RGS7: variants seen among roughly 807,000 people sequenced by gnomAD.
RGS7 encodes the protein regulator of G protein signaling 7, also known as regulator of G-protein signaling 7.
In RGS7, 27 loss-of-function variants were observed where a neutral mutation model predicts 81.1. The ratio of observed to expected loss-of-function variants is 0.33; its 90% confidence interval spans 0.25 to 0.46. RGS7 has a LOEUF of 0.46. RGS7 is among the 20% of genes least tolerant of loss of function. RGS7 has a pLI of 1.00. For synonymous variants in RGS7, 208 were observed against 207.7 expected, an observed-to-expected ratio of 1.00 and a Z score of -0.01; for missense variants, 396 against 607.4, an observed-to-expected ratio of 0.65 and a Z score of 3.66.
At chr1:241,280,614 C>T (rs1373848300) in intron 2 of RGS7, among the ~76,000 whole-genome samples, 2 of 152,214 alleles carry the variant, frequency 1.3e-5, no homozygotes, top group Non-Finnish European at 2.9e-5. Flanking sequence ...CCTCCTGCCT[C>T]AGCCTCCTGA....
intron 3 of RGS7, among the ~76,000 whole-genome samples, chr1:241,090,544 C>T (rs762219305): frequency 1.3e-5 from 2 of 151,976 alleles, no homozygotes; most frequent in Non-Finnish European, 2.9e-5. Context: ...AGCCATGAGA[C>T]GGATGGCATT....
intron 3 of RGS7, among the ~76,000 whole-genome samples, chr1:240,994,778 CTT>C (rs1258959054): frequency 6.6e-6 from 1 of 151,878 alleles, no homozygotes; most frequent in Non-Finnish European, 1.5e-5. Context: ...ATAAAGTAAA[CTT>C]ATTATTATTA....
chr1:241,335,174 A>G (rs1311415720), intron 2 of RGS7, among the ~76,000 whole-genome samples: 1 of 152,202 alleles, frequency 6.6e-6, no homozygotes, highest in East Asian at 1.9e-4. Context: ...AAGTTATTCC[A>G]GCACCCTAAA....
chr1:241,296,500 G>A (rs953631184), intron 2 of RGS7, among the ~76,000 whole-genome samples: 21 of 152,214 alleles, frequency 1.4e-4, no homozygotes. Context: ...CAATGTCATT[G>A]CAATAGACAC....
At chr1:240,910,553 A>G (rs1451701190) in intron 6 of RGS7, among the ~76,000 whole-genome samples, 1 of 152,152 alleles carries the variant, frequency 6.6e-6, no homozygotes, top group Non-Finnish European at 1.5e-5. Context: ...AGTTAACAAT[A>G]ATGCATGGTT....
chr1:241,309,452 T>C (rs1480327744), intron 2 of RGS7, among the ~76,000 whole-genome samples: 1 of 150,442 alleles, frequency 6.6e-6, no homozygotes, highest in African/African-American at 2.4e-5. Context: ...AAGGTGTCTA[T>C]GAGAAACAGA....
intron 3 of RGS7, among the ~76,000 whole-genome samples, chr1:241,015,462 T>A (rs1003821023): frequency 1.3e-5 from 2 of 152,224 alleles, no homozygotes; most frequent in Admixed American, 6.5e-5. Flanking sequence ...AACTTAAACA[T>A]CTAATATATA....
chr1:241,205,165 C>T (rs937446257), intron 2 of RGS7, among the ~76,000 whole-genome samples: 3 of 150,766 alleles, frequency 2.0e-5, no homozygotes, highest in Non-Finnish European at 4.4e-5. Flanking sequence ...CAACCTCTGC[C>T]TCCTGGGTTC....
intron 3 of RGS7, among the ~76,000 whole-genome samples, chr1:241,074,066 A>G (rs1162222242): frequency 6.6e-6 from 1 of 152,026 alleles, no homozygotes; most frequent in Non-Finnish European, 1.5e-5. Context: ...AGGCCTGGCT[A>G]ATTTTTGTAT....
chr1:240,970,183 T>C (rs115377445), intron 4 of RGS7, among the ~76,000 whole-genome samples: 67 of 152,280 alleles, frequency 4.4e-4, no homozygotes, highest in African/African-American at 1.6e-3. Context: ...GGAACTGCAA[T>C]ATAGTGATAG....
At chr1:241,096,243 C>G (rs980361247) in intron 3 of RGS7, among the ~76,000 whole-genome samples, 1 of 151,884 alleles carries the variant, frequency 6.6e-6, no homozygotes, top group Non-Finnish European at 1.5e-5. Context: ...CAGTCCGTTG[C>G]GAGTTGGGCC....
chr1:240,808,171 T>C (rs551491935), intron 14 of RGS7, among the ~76,000 whole-genome samples: 2 of 151,838 alleles, frequency 1.3e-5, no homozygotes, highest in East Asian at 1.9e-4. Flanking sequence ...CCTCAAAGAA[T>C]GAGTAGAGAA....
intron 11 of RGS7, 113 bp from the exon 12 acceptor site, chr1:240,814,890 C>T (rs974745531): frequency 2.7e-6 from 2 of 737,798 alleles, no homozygotes; most frequent in Non-Finnish European, 4.9e-6. Flanking sequence ...TACGTCAGTA[C>T]AATTTCAAAG....
chr1:240,939,842 G>A (rs559483368), intron 4 of RGS7, among the ~76,000 whole-genome samples: 6 of 152,146 alleles, frequency 3.9e-5, no homozygotes, highest in Admixed American at 1.3e-4. Flanking sequence ...AGGCCAAGAC[G>A]GATGGATCAA....
intron 2 of RGS7, among the ~76,000 whole-genome samples, chr1:241,292,881 G>A (rs1325490362): frequency 6.6e-6 from 1 of 152,132 alleles, no homozygotes; most frequent in African/African-American, 2.4e-5. Flanking sequence ...AATTATTTAC[G>A]ACACAAATCA....
intron 2 of RGS7, among the ~76,000 whole-genome samples, chr1:241,282,091 C>T (rs2078546223): frequency 6.6e-6 from 1 of 152,114 alleles, no homozygotes; most frequent in Admixed American, 6.6e-5. Flanking sequence ...TCCTGTCACC[C>T]GAGTAGTGAG....
rs192869150 is a variant in RGS7 at position 241,197,892 on chromosome 1, T to C, written c.79-99130A>G. ...TGAAATATTCAAAACATTACTACTG[T>C]ATAATAATATTCTTCCCAAATGCAT... On this transcript the variant is annotated intron_variant, in intron 2 of 18. Transcript: ENST00000440928. 7.1e-4 allele frequency among the ~76,000 whole-genome samples: 107 copies of C among 151,600 alleles called. 1 individual carries two copies. The highest frequency in any genetic ancestry group is 2.3e-3 in the African/African-American group (94 of 41,458).
At chr1:240,943,158 A>G (rs1253203469) in intron 4 of RGS7, among the ~76,000 whole-genome samples, 1 of 152,226 alleles carries the variant, frequency 6.6e-6, no homozygotes, top group Admixed American at 6.5e-5. Flanking sequence ...ATCATAATTT[A>G]TATCAACATT....
chr1:240,894,971 T>C (rs186355682), intron 6 of RGS7, among the ~76,000 whole-genome samples: 5 of 152,308 alleles, frequency 3.3e-5, no homozygotes, highest in Admixed American at 3.3e-4. Flanking sequence ...CCAATGCCAG[T>C]GATGGGGCCT....
Sources: gnomAD v4.1 joint callset for allele counts (sites outside exome capture counted in the v4.1 genomes callset) on GRCh38, gnomAD v4.1.1 for gene constraint, MANE v1.5 for transcripts, NCBI Gene and HGNC (gene_info 2026-07-23, HGNC 2026-07-21) for gene names.